TRHDE: variants seen among roughly 807,000 people sequenced by gnomAD.
TRHDE encodes thyrotropin releasing hormone degrading enzyme, also known as thyrotropin-releasing hormone-degrading ectoenzyme.
Under a neutral mutation model 125.7 loss-of-function variants are expected in TRHDE, and 72 were observed. That is an observed-to-expected ratio of 0.57 (90% CI 0.47 to 0.70). The LOEUF is 0.70. Among genes scored for constraint, TRHDE ranks in the 30% least tolerant of loss-of-function variants. The probability of loss-of-function intolerance (pLI) is 0.00; values close to 1 mark genes in which losing one functional copy is unlikely to be tolerated. For synonymous variants in TRHDE, 509 were observed against 509.1 expected (o/e 1.00, Z 0.00); for missense variants, 1,110 against 1,327.1 (o/e 0.84, Z 2.54).
intron 2 of TRHDE, among the ~76,000 whole-genome samples, chr12:72,141,123 C>A (rs1408937940): frequency 6.6e-6 from 1 of 151,906 alleles, no homozygotes. Context: ...ATATAAGGCA[C>A]CTTGTATTTT....
intron 3 of TRHDE, among the ~76,000 whole-genome samples, chr12:72,413,885 G>T (rs780450472): frequency 6.6e-6 from 1 of 151,894 alleles, no homozygotes; most frequent in Admixed American, 6.6e-5. Flanking sequence ...ATTTAATAAG[G>T]TTTTCATTCC....
intron 2 of TRHDE, among the ~76,000 whole-genome samples, chr12:72,337,872 G>C (rs567605467): frequency 2.2e-4 from 33 of 151,890 alleles, no homozygotes; most frequent in Non-Finnish European, 4.3e-4. Flanking sequence ...AAAATACACT[G>C]TTTTCCCATT....
chr12:72,210,337 G>A (rs372372826), intron 2 of TRHDE, among the ~76,000 whole-genome samples: 2 of 152,110 alleles, frequency 1.3e-5, no homozygotes, highest in African/African-American at 2.4e-5. Context: ...GATGATGATC[G>A]CCATTGTTTC....
At chr12:72,584,663 T>G (rs939888938) in intron 12 of TRHDE, among the ~76,000 whole-genome samples, 2 of 152,226 alleles carry the variant, frequency 1.3e-5, no homozygotes, top group African/African-American at 4.8e-5. Context: ...TTTTCCCTTC[T>G]GTGCCTGGCT....
Position 72,118,077 on chromosome 12 carries a change from A to G in TRHDE, n.279+12325A>G, listed in dbSNP as rs190727852. 1.4e-3 allele frequency among the ~76,000 whole-genome samples: 210 copies of G among 151,628 alleles called. 2 individuals carry two copies. The highest frequency in any genetic ancestry group is 4.6e-3 in the African/African-American group (192 of 41,334). On this transcript the variant is annotated intron_variant and non_coding_transcript_variant, in intron 2 of 4. Coordinates refer to the TRHDE transcript ENST00000548156. ...TATCCTTTCTTTCTGTTTTCTGATT[A>G]CTCTAGCTAGGACTTCTAGTACTAT... is the stretch of plus-strand genomic sequence containing the variant.
chr12:72,648,401 A>T (rs1874370019), intron 15 of TRHDE, among the ~76,000 whole-genome samples: 1 of 152,140 alleles, frequency 6.6e-6, no homozygotes, highest in African/African-American at 2.4e-5. Context: ...TTAGCCAGAG[A>T]AAATAGGGAT....
chr12:72,273,618 C>T lies in TRHDE; in HGVS notation c.914+61C>T. ...CCGGCGCGCGGCTCGAACCTCTGGG[C>T]GGCCTGCGACCCCGGGGACCCAGCT... On this transcript the variant is annotated intron_variant, in intron 1 of 18. Coordinates refer to ENST00000261180, the MANE Select transcript of TRHDE (RefSeq NM_013381.3). The surrounding 1 kb of genome is among the most constrained non-coding windows in gnomAD (Gnocchi z 5.3). The T allele has an allele frequency of 6.8e-7, 1 of 1,470,022 alleles. No individual in the cohort carries two copies. The highest frequency in any genetic ancestry group is 2.4e-4 in the Middle Eastern group (1 of 4,154). 91.1% of individuals were successfully genotyped at this position (1,470,022 alleles called of 1,614,324 possible).
intron 15 of TRHDE, among the ~76,000 whole-genome samples, chr12:72,640,460 G>A (rs10879473): frequency 0.15 from 22,236 of 152,202 alleles, 2,226 homozygotes; most frequent in East Asian, 0.54. Flanking sequence ...GAAATCACCC[G>A]TCTTCTGCAT....
At chr12:72,657,535 T>C (rs1001507072) in intron 18 of TRHDE, among the ~76,000 whole-genome samples, 8 of 152,166 alleles carry the variant, frequency 5.3e-5, no homozygotes, top group African/African-American at 1.9e-4. Flanking sequence ...GTAATACATA[T>C]TGAGATTAAT....
At chr12:72,300,405 T>A (rs1430223712) in intron 2 of TRHDE, among the ~76,000 whole-genome samples, 2 of 150,624 alleles carry the variant, frequency 1.3e-5, no homozygotes, top group African/African-American at 4.9e-5. Flanking sequence ...CACACATTGC[T>A]GGGCAGCTCA....
intron 15 of TRHDE, among the ~76,000 whole-genome samples, chr12:72,631,203 TATGC>T (rs1873481154): frequency 6.6e-6 from 1 of 151,734 alleles, no homozygotes; most frequent in African/African-American, 2.4e-5. Context: ...TACATGTATA[TATGC>T]ATGTATACAC....
intron 3 of TRHDE, among the ~76,000 whole-genome samples, chr12:72,458,522 C>A (rs1875975447): frequency 6.6e-6 from 1 of 152,072 alleles, no homozygotes; most frequent in Admixed American, 6.6e-5. Context: ...TGGTCATGGT[C>A]TCCTCCCATC....
intron 4 of TRHDE, 21 bp downstream of exon 4, chr12:72,469,933 T>G: frequency 6.2e-7 from 1 of 1,609,900 alleles, no homozygotes; most frequent in Non-Finnish European, 8.5e-7. Context: ...AAGAATCAGG[T>G]GTAAGTATAA....
chr12:72,127,140 A>G (rs566090082), intron 2 of TRHDE, among the ~76,000 whole-genome samples: 1 of 152,314 alleles, frequency 6.6e-6, no homozygotes, highest in Non-Finnish European at 1.5e-5. Context: ...CAAAACCACA[A>G]TGAGATACTT....
chr12:72,591,240 A>T (rs1871664998), intron 12 of TRHDE, among the ~76,000 whole-genome samples: 1 of 152,208 alleles, frequency 6.6e-6, no homozygotes, highest in African/African-American at 2.4e-5. Context: ...GCTACAATTC[A>T]AGATGAGATT....
chr12:72,515,317 A>G (rs1878795155), intron 6 of TRHDE, among the ~76,000 whole-genome samples: 1 of 139,194 alleles, frequency 7.2e-6, no homozygotes, highest in Admixed American at 7.3e-5. Context: ...CTGACTTTTT[A>G]ATGATTGCCA....
intron 7 of TRHDE, chr12:72,560,402 T>C (rs1284006842): frequency 6.6e-6 from 1 of 152,152 alleles, no homozygotes; most frequent in African/African-American, 2.4e-5. Flanking sequence ...GAGAAGAAAA[T>C]TGTATATTGG....
At chr12:72,627,404 T>C (rs1400336367) in intron 15 of TRHDE, among the ~76,000 whole-genome samples, 1 of 151,870 alleles carries the variant, frequency 6.6e-6, no homozygotes, top group African/African-American at 2.4e-5. Context: ...ATTCAGTTCA[T>C]TGTGAATTTT....
At chr12:72,087,280 T>C (rs1566205185) in exon 1 of TRHDE, 1 of 152,126 alleles carries the variant, frequency 6.6e-6, no homozygotes, top group Non-Finnish European at 1.5e-5. Flanking sequence ...GAGAAGGCAT[T>C]CCTGACCCAA....
Sources: allele counts gnomAD v4.1 joint callset (sites outside exome capture counted in the v4.1 genomes callset), GRCh38; gene constraint gnomAD v4.1.1; non-coding constraint Gnocchi (gnomAD v3.1); transcripts MANE v1.5; gene names NCBI Gene and HGNC (gene_info 2026-07-23, HGNC 2026-07-21).